TMEM184C: variants seen among roughly 807,000 people sequenced by gnomAD.
The protein encoded by TMEM184C is transmembrane protein 184C.
TMEM184C carries 25 observed loss-of-function variants against 54.5 expected under a neutral mutation model. That is an observed-to-expected ratio of 0.46 (90% CI 0.33 to 0.64). The LOEUF (loss-of-function observed/expected upper bound fraction) is 0.64, where lower values mean the gene tolerates loss of function less well. TMEM184C is among the 30% of genes least tolerant of loss of function. The pLI, the probability that TMEM184C is intolerant of heterozygous loss-of-function variation, is 0.02. For synonymous variants in TMEM184C, 148 were observed against 181.5 expected (o/e 0.82, Z 1.49); for missense variants, 335 against 520.3 (o/e 0.64, Z 3.46).
intron 5 of TMEM184C, among the ~76,000 whole-genome samples, chr4:147,628,988 G>A (rs1732862897): frequency 2.0e-5 from 3 of 152,078 alleles, no homozygotes; most frequent in Non-Finnish European, 4.4e-5. Flanking sequence ...CTAACATTTT[G>A]CATGCTCACA....
rs1301679680 is a variant in TMEM184C at position 147,635,919 on chromosome 4, T to G, written c.*1485T>G. 1.3e-5 allele frequency: 2 copies of G among 152,112 alleles called. No homozygotes were observed. Among genetic ancestry groups the G allele is most frequent in the Non-Finnish European group, 2.9e-5 (2 of 67,994 alleles). 9.4% of individuals were successfully genotyped at this position (152,112 alleles called of 1,614,324 possible). On this transcript the variant is annotated 3_prime_UTR_variant, in exon 10 of 10. Transcript: ENST00000296582. Reference sequence around the variant, plus strand: ...CATAAAAAAAATACTTACTTAGGAATAAATTTAACACCAAGGCAGTAAAAG... The same window carrying G: ...CATAAAAAAAATACTTACTTAGGAAGAAATTTAACACCAAGGCAGTAAAAG...
chr4:147,618,494 T>C (rs541131397), intron 1 of TMEM184C, among the ~76,000 whole-genome samples: 1 of 152,238 alleles, frequency 6.6e-6, no homozygotes, highest in Non-Finnish European at 1.5e-5. Flanking sequence ...TGTTTTAACT[T>C]TGGTGTCTGT....
chr4:147,627,993 T>C (rs1169252582), intron 4 of TMEM184C, among the ~76,000 whole-genome samples: 1 of 149,598 alleles, frequency 6.7e-6, no homozygotes. Flanking sequence ...TGAGACCCCA[T>C]GTCTACAGAA....
At position 147,617,713 on chromosome 4, in the gene TMEM184C, T is replaced by G; in HGVS notation, c.-244T>G. 1 of 445,098 alleles carries G rather than the reference T, an allele frequency of 2.2e-6. No homozygotes were observed. 27.6% of individuals were successfully genotyped at this position (445,098 alleles called of 1,614,324 possible). Reference sequence around the variant, plus strand: ...GCAGTACAACCGGGTAGATGCGGGGTGGAGAAGAAAGGATGTTGCCTGCAC... The same window carrying G: ...GCAGTACAACCGGGTAGATGCGGGGGGGAGAAGAAAGGATGTTGCCTGCAC... On this transcript the variant is annotated 5_prime_UTR_variant, in exon 1 of 10. Transcript: ENST00000296582.
intron 4 of TMEM184C, among the ~76,000 whole-genome samples, chr4:147,626,335 G>A (rs560876313): frequency 2.5e-4 from 38 of 152,280 alleles, no homozygotes; most frequent in Admixed American, 1.8e-3. Flanking sequence ...TTCAGCCTAC[G>A]CCCAGGAATG....
chr4:147,629,652 C>G lies in TMEM184C; in HGVS notation c.626C>G (p.Ala209Gly), dbSNP rs756390481. 1 of 1,594,894 alleles carries G rather than the reference C, an allele frequency of 6.3e-7. No individual in the cohort carries two copies. Among genetic ancestry groups the G allele is most frequent in the Non-Finnish European group, 8.5e-7 (1 of 1,172,396 alleles). Residue 209 changes from alanine (A) to glycine (G), a missense_variant, in exon 6 of 10, where the codon GCT becomes GGT. By Grantham distance (60) the Ala-to-Gly change is moderately conservative. Coordinates refer to ENST00000296582, the MANE Select transcript of TMEM184C (RefSeq NM_018241.3). ...GAAGGGAACTTTAGCTTTTCAAATGCTTGGACTTATTTGGTTATAATAAAC... is the reference window on the plus strand; with the variant it reads ...GAAGGGAACTTTAGCTTTTCAAATGGTTGGACTTATTTGGTTATAATAAAC... ...YDEGNFSFSN[A>G]WTYLVIINNM...
In TMEM184C at chr4:147,635,232, CT is replaced by C. The variant is rs1481988794; in HGVS notation, c.*804del. The C allele has an allele frequency of 6.6e-6, 1 of 152,016 alleles. No homozygotes were observed. The highest frequency in any genetic ancestry group is 2.4e-5 in the African/African-American group (1 of 41,374). The allele number at this position is 152,016 out of a possible 1,614,324, so 9.4% of individuals were successfully genotyped here. A position where few individuals can be genotyped will look rare whatever the true frequency, so the allele number is the denominator to read the frequency against. ...AGAATTTATCATTTATTTTCTGCAACTTTTTTATGTCTCATTCTTTAAACAT... is the reference window on the plus strand; with the variant it reads ...AGAATTTATCATTTATTTTCTGCAACTTTTTATGTCTCATTCTTTAAACAT... On this transcript the variant is annotated 3_prime_UTR_variant, in exon 10 of 10. Coordinates refer to ENST00000296582, the MANE Select transcript of TMEM184C (RefSeq NM_018241.3).
At position 147,634,247 on chromosome 4, in the gene TMEM184C, C is replaced by T; in HGVS notation, c.1130C>T (p.Ser377Leu). ...QDQNEHTSLL[S>L]SSSQDAISIA... ...CAAAATGAACATACAAGTTTATTAT[C>T]ATCATCATCACAAGATGCAATTTCC... Residue 377 changes from serine (S) to leucine (L), a missense_variant, in exon 10 of 10, where the codon TCA (serine) becomes TTA (leucine). Transcript: ENST00000296582. 1.2e-6 allele frequency: 2 copies of T among 1,614,008 alleles called. No homozygotes were observed. The highest frequency in any genetic ancestry group is 1.7e-6 in the Non-Finnish European group (2 of 1,179,914).
At chr4:147,632,789 GGGT>G in intron 7 of TMEM184C, 111 bp from the exon 8 acceptor site, 2 of 716,814 alleles carry the variant, frequency 2.8e-6, no homozygotes, top group African/African-American at 1.8e-5. Context: ...TGTAAAGGCA[GGGT>G]GGTGGTGGTA....
intron 4 of TMEM184C, 87 bp downstream of exon 4, chr4:147,625,096 T>G: frequency 1.6e-6 from 2 of 1,262,930 alleles, no homozygotes; most frequent in South Asian, 2.6e-5. Flanking sequence ...TACAAGGCAG[T>G]GCATTAAGTA....
At chr4:147,619,354 C>T (rs4835439) in intron 1 of TMEM184C, among the ~76,000 whole-genome samples, 131,071 of 151,936 alleles carry the variant, frequency 0.86, 58,723 homozygotes, top group Non-Finnish European at 0.98. Context: ...CCCACCACCA[C>T]ACCCAACTAA....
chr4:147,621,697 G>T (rs1732712269), intron 1 of TMEM184C, among the ~76,000 whole-genome samples: 1 of 152,098 alleles, frequency 6.6e-6, no homozygotes, highest in Admixed American at 6.6e-5. Flanking sequence ...CATTAATGTG[G>T]AGAGATGATG....
chr4:147,620,989 C>T (rs1331423990), intron 1 of TMEM184C, among the ~76,000 whole-genome samples: 1 of 152,178 alleles, frequency 6.6e-6, no homozygotes, highest in Non-Finnish European at 1.5e-5. Context: ...GCTTAAACTA[C>T]AGAAATTTAT....
intron 1 of TMEM184C, among the ~76,000 whole-genome samples, chr4:147,622,027 C>T (rs1393237345): frequency 6.6e-6 from 1 of 150,942 alleles, no homozygotes; most frequent in Non-Finnish European, 1.5e-5. Context: ...CTCTGTCACC[C>T]AGGCTGGAGT....
chr4:147,618,088 G>C lies in TMEM184C; in HGVS notation c.123+9G>C, dbSNP rs368445075. The C allele has an allele frequency of 8.2e-5, 132 of 1,613,850 alleles. No individual in the cohort carries two copies. The highest frequency in any genetic ancestry group is 1.1e-4 in the Non-Finnish European group (128 of 1,179,934). ...AATTACAGAAACTGGAGGTAAGAGG[G>C]TTCTGCACCATCAGCCTGTACACTT... On this transcript the variant is annotated intron_variant, in intron 1 of 9. Coordinates refer to ENST00000296582, the MANE Select transcript of TMEM184C (RefSeq NM_018241.3).
chr4:147,627,302 T>G (rs1050036243), intron 4 of TMEM184C, among the ~76,000 whole-genome samples: 1 of 138,970 alleles, frequency 7.2e-6, no homozygotes, highest in Non-Finnish European at 1.5e-5. Context: ...ATTACTGTGT[T>G]TTTTTTTTGA....
chr4:147,630,791 T>C (rs1732902445), intron 6 of TMEM184C, among the ~76,000 whole-genome samples: 1 of 152,104 alleles, frequency 6.6e-6, no homozygotes, highest in South Asian at 2.1e-4. Context: ...TTATATGATT[T>C]TAATAGGGAA....
At position 147,634,285 on chromosome 4, in the gene TMEM184C, A is replaced by T; in HGVS notation, c.1168A>T (p.Met390Leu). The stretch of plus-strand genomic sequence containing the variant: ...AGATGCAATTTCCATTGCTTCTTCT[A>T]TGCCACCTTCACCCATGGGTCACTA... ...SQDAISIASSMPPSPMGHYQG... is the reference protein window; with the variant it reads ...SQDAISIASSLPPSPMGHYQG... The change falls in exon 10 of 10, where the codon ATG (methionine) becomes TTG (leucine). Residue 390 changes from methionine (M) to leucine (L), a missense_variant. Physicochemically the swap from Met to Leu is conservative, Grantham distance 15. Coordinates refer to ENST00000296582, the MANE Select transcript of TMEM184C (RefSeq NM_018241.3). 1 of 1,614,186 alleles carries T rather than the reference A, an allele frequency of 6.2e-7. No homozygotes were observed.
chr4:147,630,006 T>TA (rs1254155541), intron 6 of TMEM184C, among the ~76,000 whole-genome samples: 201 of 143,758 alleles, frequency 1.4e-3, no homozygotes, highest in Admixed American at 3.1e-3. Flanking sequence ...CAGTGCTACA[T>TA]AAAAAAAAAA....
Sources: allele counts gnomAD v4.1 joint callset (sites outside exome capture counted in the v4.1 genomes callset), GRCh38; gene constraint gnomAD v4.1.1; transcripts MANE v1.5; gene names NCBI Gene and HGNC (gene_info 2026-07-23, HGNC 2026-07-21).